Variants in ITPR1 observed in about 807,000 individuals in gnomAD.
ITPR1 encodes inositol 1,4,5-trisphosphate receptor type 1, also known as inositol 1,4,5-trisphosphate-gated calcium channel ITPR1.
Under a neutral mutation model 318.4 loss-of-function variants are expected in ITPR1, and 96 were observed. The ratio of observed to expected loss-of-function variants is 0.30; its 90% CI spans 0.26 to 0.36. The LOEUF is 0.36. Among genes scored for constraint, ITPR1 ranks in the 10% least tolerant of loss-of-function variants. ITPR1 has a pLI of 1.00. For synonymous variants in ITPR1, 1,312 were observed against 1,289.9 expected (o/e 1.02, Z -0.37); for missense variants, 2,440 against 3,460.2 (o/e 0.71, Z 7.40).
chr3:4,673,401 C>T lies in ITPR1; in HGVS notation c.2456+14C>T. On this transcript the variant is annotated intron_variant, in intron 21 of 61. Coordinates refer to ENST00000649015, the MANE Select transcript of ITPR1 (RefSeq NM_001378452.1). Reference sequence around the variant, plus strand: ...CGCCATTGACGAGTGAGCCTGGCACCTGAAAACCTCACTTTACATTATTCT... The same window carrying T: ...CGCCATTGACGAGTGAGCCTGGCACTTGAAAACCTCACTTTACATTATTCT... 6.3e-7 allele frequency: 1 copy of T among 1,589,244 alleles called. No individual in the cohort carries two copies. Among genetic ancestry groups the T allele is most frequent in the Non-Finnish European group, 8.6e-7 (1 of 1,164,280 alleles).
At chr3:4,589,181 CAT>C (rs1368456862) in intron 4 of ITPR1, among the ~76,000 whole-genome samples, 5 of 152,102 alleles carry the variant, frequency 3.3e-5, no homozygotes, top group African/African-American at 1.2e-4. Context: ...AAAATACACA[CAT>C]ATATGTGTAT....
chr3:4,501,109 G>A (rs2080990457), intron 2 of ITPR1, among the ~76,000 whole-genome samples: 4 of 151,652 alleles, frequency 2.6e-5, no homozygotes, highest in African/African-American at 7.3e-5. Context: ...CGATCCTCTC[G>A]CCTTGGCCTC....
intron 4 of ITPR1, among the ~76,000 whole-genome samples, chr3:4,525,910 A>G (rs2082942957): frequency 6.6e-6 from 1 of 152,236 alleles, no homozygotes. Flanking sequence ...GAAACTAACA[A>G]CCAGTCTTCA....
Position 4,644,017 on chromosome 3 carries a change from G to T in ITPR1, c.526-119G>T. The T allele has an allele frequency of 4.4e-6, 3 of 677,822 alleles. No individual in the cohort carries two copies. The East Asian group carries it at 8.6e-5, about 19-fold the overall frequency. 42.0% of individuals were successfully genotyped at this position (677,822 alleles called of 1,614,324 possible). On this transcript the variant is annotated intron_variant, in intron 7 of 61. Transcript: ENST00000649015. ...TGGTGTGTGCTACATCTTTATACTT[G>T]CTGGGGATAGGCCTTGCCTTCTTCA...
intron 60 of ITPR1, among the ~76,000 whole-genome samples, chr3:4,836,241 G>A (rs148927236): frequency 6.6e-6 from 1 of 152,188 alleles, no homozygotes; most frequent in East Asian, 1.9e-4. Context: ...AATGGTGGTT[G>A]CCCGGGGCCG....
intron 11 of ITPR1, among the ~76,000 whole-genome samples, chr3:4,653,338 TTAAGAAC>T (rs1478402950): frequency 6.6e-6 from 1 of 152,130 alleles, no homozygotes; most frequent in Non-Finnish European, 1.5e-5. Flanking sequence ...TTTGATATAT[TTAAGAAC>T]TGAAGATCAA....
At chr3:4,700,702 G>C (rs911501969) in intron 35 of ITPR1, among the ~76,000 whole-genome samples, 1 of 152,140 alleles carries the variant, frequency 6.6e-6, no homozygotes, top group African/African-American at 2.4e-5. Flanking sequence ...TGAGTGAGCT[G>C]ATGTCACCTG....
intron 44 of ITPR1, among the ~76,000 whole-genome samples, chr3:4,760,778 C>T (rs776495631): frequency 2.0e-5 from 3 of 152,194 alleles, no homozygotes; most frequent in Non-Finnish European, 4.4e-5. Flanking sequence ...GTCCTTCTCA[C>T]ATTGCCTCTC....
rs370518665 is a variant in ITPR1, at chr3:4,511,199, C to T, written c.-16-5277C>T. ...TAGAGAAGGCAGAGAGCAATACAGA[C>T]GCTGAAGAGCAGCTCTGGCTTCTCT... On this transcript the variant is annotated intron_variant, in intron 2 of 61. Coordinates refer to ENST00000649015, the MANE Select transcript of ITPR1 (RefSeq NM_001378452.1). Among the ~76,000 whole-genome samples, 19 of 152,306 alleles carry T rather than the reference C, an allele frequency of 1.2e-4. No homozygotes were observed. In the South Asian group the frequency reaches 1.9e-3, roughly 15 times the overall value.
intron 4 of ITPR1, among the ~76,000 whole-genome samples, chr3:4,597,136 C>T (rs1253189126): frequency 6.6e-6 from 1 of 152,118 alleles, no homozygotes; most frequent in Admixed American, 6.5e-5. Context: ...AATCCTGGTT[C>T]ATTTGTTTTG....
chr3:4,683,821 T>A (rs373947721), intron 28 of ITPR1, 23 bp downstream of exon 28: 1 of 1,605,570 alleles, frequency 6.2e-7, no homozygotes, highest in African/African-American at 1.3e-5. Context: ...CAAGTTATGC[T>A]GCCAAAGTGG....
chr3:4,793,276 G>A (rs562987041), intron 52 of ITPR1, among the ~76,000 whole-genome samples: 68 of 152,270 alleles, frequency 4.5e-4, no homozygotes, highest in African/African-American at 1.4e-3. Flanking sequence ...TGCAGTACAC[G>A]CACTCACATT....
rs1421171908 is a variant in ITPR1 at position 4,717,378 on chromosome 3, T to C, written c.5115T>C (p.Ile1705=). The part of the protein sequence containing the change: ...DRGYGEKLIS[I]DELDNAELPP... ...TTTTTCTTTTCCAGCTAATTTCCATTGATGAATTGGATAATGCTGAGGTCC... is the reference window on the plus strand; with the variant it reads ...TTTTTCTTTTCCAGCTAATTTCCATCGATGAATTGGATAATGCTGAGGTCC... The change falls in exon 40 of 62, where the codon ATT becomes ATC. Residue 1705 remains isoleucine (I), a synonymous_variant. Transcript: ENST00000649015. 3 of 1,596,908 alleles carry C rather than the reference T, an allele frequency of 1.9e-6. No individual in the cohort carries two copies. The highest frequency in any genetic ancestry group is 2.5e-6 in the Non-Finnish European group (3 of 1,177,628).
At chr3:4,744,518 C>G (rs2043938259) in intron 44 of ITPR1, among the ~76,000 whole-genome samples, 1 of 152,198 alleles carries the variant, frequency 6.6e-6, no homozygotes, top group African/African-American at 2.4e-5. Context: ...TGGTGCATAG[C>G]TGCAGTTTTT....
Position 4,589,822 on chromosome 3 carries a change from C to T in ITPR1, c.164-37941C>T, listed in dbSNP as rs2090235001. ...CCTCATGCCTGGGATACATCACAGA[C>T]AAATTGGATCAGAATCTCTGGGTAT... On this transcript the variant is annotated intron_variant, in intron 4 of 61. Coordinates refer to ENST00000649015, the MANE Select transcript of ITPR1 (RefSeq NM_001378452.1). Among the ~76,000 whole-genome samples, 9 of 152,198 alleles carry T rather than the reference C, an allele frequency of 5.9e-5. No homozygotes were observed. In the South Asian group the frequency reaches 1.9e-3, roughly 32 times the overall value.
At chr3:4,534,813 T>C (rs2083712689) in intron 4 of ITPR1, among the ~76,000 whole-genome samples, 1 of 152,172 alleles carries the variant, frequency 6.6e-6, no homozygotes, top group East Asian at 1.9e-4. Context: ...TAAGGTCCTC[T>C]CCTCCCCCTA....
At chr3:4,776,415 A>T (rs2046489557) in intron 47 of ITPR1, among the ~76,000 whole-genome samples, 1 of 152,168 alleles carries the variant, frequency 6.6e-6, no homozygotes. Flanking sequence ...CTAACTGGAG[A>T]GAGACGACCA....
At chr3:4,839,243 C>T (rs2051159351) in intron 61 of ITPR1, among the ~76,000 whole-genome samples, 1 of 152,056 alleles carries the variant, frequency 6.6e-6, no homozygotes, top group African/African-American at 2.4e-5. Context: ...AGGAGAATCG[C>T]TTGAACCCAG....
At chr3:4,698,236 G>T (rs2094589972) in intron 34 of ITPR1, among the ~76,000 whole-genome samples, 1 of 152,278 alleles carries the variant, frequency 6.6e-6, no homozygotes, top group South Asian at 2.1e-4. Flanking sequence ...TGAAAAAGGT[G>T]CACTGTAGAA....
Sources: gnomAD v4.1 joint callset for allele counts (sites outside exome capture counted in the v4.1 genomes callset) on GRCh38, gnomAD v4.1.1 for gene constraint, MANE v1.5 for transcripts, NCBI Gene and HGNC (gene_info 2026-07-23, HGNC 2026-07-21) for gene names.